Variants in NXPH2 observed in about 807,000 individuals in gnomAD.
The protein encoded by NXPH2 is neurexophilin-2.
In NXPH2, 5 loss-of-function variants were observed where a neutral mutation model predicts 19.8. That is an observed-to-expected ratio of 0.25 (90% CI 0.13 to 0.53). The LOEUF is 0.53. Among genes scored for constraint, NXPH2 ranks in the 20% least tolerant of loss-of-function variants. The pLI is 0.96. For synonymous variants in NXPH2, 154 were observed against 127.4 expected, an observed-to-expected ratio of 1.21 and a Z score of -1.41; for missense variants, 289 against 322.8, an observed-to-expected ratio of 0.90 and a Z score of 0.80.
At chr2:138,672,747 GT>G (rs1680432786) in intron 1 of NXPH2, among the ~76,000 whole-genome samples, 1 of 152,200 alleles carries the variant, frequency 6.6e-6, no homozygotes, top group Admixed American at 6.5e-5. Flanking sequence ...CTGTGTTTAT[GT>G]ACTTTCTCTA....
At chr2:138,777,503 C>T (rs1414681819) in intron 1 of NXPH2, among the ~76,000 whole-genome samples, 1 of 151,902 alleles carries the variant, frequency 6.6e-6, no homozygotes, top group Non-Finnish European at 1.5e-5. Context: ...ATCAATTCCG[C>T]TTACTGTTTT....
intron 1 of NXPH2, among the ~76,000 whole-genome samples, chr2:138,687,878 G>C (rs897268253): frequency 3.9e-5 from 6 of 152,244 alleles, no homozygotes; most frequent in South Asian, 2.1e-4. Context: ...TGAGGGCTCT[G>C]TTCTGTTCCA....
chr2:138,762,664 C>A (rs150279723), intron 1 of NXPH2, among the ~76,000 whole-genome samples: 2 of 152,262 alleles, frequency 1.3e-5, no homozygotes, highest in Admixed American at 6.5e-5. Context: ...GATGAAAATG[C>A]AAATCTCTTC....
In NXPH2 at chr2:138,671,278, G is replaced by A; in HGVS notation, c.439C>T (p.Arg147Ter). The change falls in exon 2 of 2, where the codon CGA becomes TGA. Residue 147 changes from arginine to a stop codon, truncating the protein, a stop_gained. Coordinates refer to ENST00000272641, the MANE Select transcript of NXPH2 (RefSeq NM_007226.3). LOFTEE classifies it high-confidence loss of function. ...TTGCCCAGGCCTGTTGAATTATGTC[G>A]GAAATACACACTGAAGGTTCCATTT... ...HGNGTFSVYF[R>*]HNSTGLGNVS... 3 of 1,613,772 alleles carry A rather than the reference G, an allele frequency of 1.9e-6. No homozygotes were observed. Among genetic ancestry groups the A allele is most frequent in the Non-Finnish European group, 2.5e-6 (3 of 1,179,810 alleles).
intron 1 of NXPH2, among the ~76,000 whole-genome samples, chr2:138,686,530 G>T (rs1680654995): frequency 6.7e-6 from 1 of 149,426 alleles, no homozygotes; most frequent in Admixed American, 6.8e-5. Context: ...AAAAGTTGTA[G>T]AAATTGTTAT....
chr2:138,739,497 A>G (rs2105005178), intron 1 of NXPH2, among the ~76,000 whole-genome samples: 1 of 152,322 alleles, frequency 6.6e-6, no homozygotes, highest in East Asian at 1.9e-4. Context: ...TGGAGGGTGT[A>G]GAACAGGAGG....
Position 138,669,688 on chromosome 2 carries a change from C to T in NXPH2, c.*1234G>A, listed in dbSNP as rs1361245685. Among the ~76,000 whole-genome samples, 2 of 152,120 alleles carry T rather than the reference C, an allele frequency of 1.3e-5. No individual in the cohort carries two copies. Among genetic ancestry groups the T allele is most frequent in the Non-Finnish European group, 2.9e-5 (2 of 68,018 alleles). Reference sequence around the variant, plus strand: ...TTCTAGAAGCCTTTTTCTTGGCCAACCAGACCCCTGTTTCTGTTCTAATTT... The same window carrying T: ...TTCTAGAAGCCTTTTTCTTGGCCAATCAGACCCCTGTTTCTGTTCTAATTT... On this transcript the variant is annotated 3_prime_UTR_variant, in exon 2 of 2. Transcript: ENST00000272641.
intron 1 of NXPH2, among the ~76,000 whole-genome samples, chr2:138,686,204 G>A: frequency 6.6e-6 from 1 of 152,134 alleles, no homozygotes; most frequent in Non-Finnish European, 1.5e-5. Flanking sequence ...ATTTGTTAAG[G>A]AGATAAAAAT....
chr2:138,761,486 T>C (rs1200983600), intron 1 of NXPH2, among the ~76,000 whole-genome samples: 1 of 152,222 alleles, frequency 6.6e-6, no homozygotes, highest in Non-Finnish European at 1.5e-5. Context: ...TTCTTTGACT[T>C]ACTAATGCAT....
chr2:138,762,097 G>T (rs1475929154), intron 1 of NXPH2, among the ~76,000 whole-genome samples: 1 of 152,198 alleles, frequency 6.6e-6, no homozygotes, highest in East Asian at 1.9e-4. Context: ...GAAAGGAGCA[G>T]GTGTGAGGAC....
chr2:138,723,471 G>A (rs1681310645), intron 1 of NXPH2, among the ~76,000 whole-genome samples: 1 of 152,184 alleles, frequency 6.6e-6, no homozygotes, highest in Non-Finnish European at 1.5e-5. Context: ...TTCTCTGAGT[G>A]AAGTTTTTAT....
chr2:138,680,160 T>G (rs1382381102), intron 1 of NXPH2, among the ~76,000 whole-genome samples: 1 of 152,188 alleles, frequency 6.6e-6, no homozygotes, highest in Non-Finnish European at 1.5e-5. Context: ...AAATGGTTAA[T>G]GGGTGCTGTA....
At chr2:138,697,536 G>C (rs1045250431) in intron 1 of NXPH2, among the ~76,000 whole-genome samples, 1 of 151,818 alleles carries the variant, frequency 6.6e-6, no homozygotes, top group Admixed American at 6.6e-5. Context: ...TATAAGTGGG[G>C]AAAAGTGATA....
chr2:138,671,663 T>C lies in NXPH2; in HGVS notation c.54A>G (p.Leu18=). Residue 18 remains leucine (L), a splice_region_variant and synonymous_variant, in exon 2 of 2, where the codon CTA becomes CTG. Transcript: ENST00000272641. ...LVVVPGLLQL[L]FCDSKEVVHA... is the part of the protein sequence containing the mutation. ...GCACCACTTCCTTACTGTCACAAAA[T>C]AGCTGTTTGAAAAGAAGAAAGAGAA... is the stretch of plus-strand genomic sequence containing the variant. The C allele has an allele frequency of 1.3e-6, 2 of 1,539,230 alleles. No individual in the cohort carries two copies. Among genetic ancestry groups the C allele is most frequent in the South Asian group, 1.3e-5 (1 of 79,596 alleles).
At position 138,671,571 on chromosome 2, in the gene NXPH2, T is replaced by G; in HGVS notation, c.146A>C (p.His49Pro). The G allele has an allele frequency of 6.2e-7, 1 of 1,613,708 alleles. No individual in the cohort carries two copies. Among genetic ancestry groups the G allele is most frequent in the Non-Finnish European group, 8.5e-7 (1 of 1,179,746 alleles). Reference protein sequence around the residue: ...APGTLVGNVVHSRIISPLRLF... With the variant: ...APGTLVGNVVPSRIISPLRLF... Reference sequence around the variant, plus strand: ...GCGCAGGGGACTGATGATCCTTGAGTGCACCACGTTGCCGACCAACGTCCC... The same window carrying G: ...GCGCAGGGGACTGATGATCCTTGAGGGCACCACGTTGCCGACCAACGTCCC... The change falls in exon 2 of 2, where the codon CAC (histidine) becomes CCC (proline). Residue 49 changes from histidine (H) to proline (P), a missense_variant. Transcript: ENST00000272641.
intron 1 of NXPH2, among the ~76,000 whole-genome samples, chr2:138,732,257 T>G (rs148253949): frequency 6.6e-6 from 1 of 152,290 alleles, no homozygotes; most frequent in East Asian, 1.9e-4. Flanking sequence ...AAAGATGTTT[T>G]TTGAATCCAG....
intron 1 of NXPH2, among the ~76,000 whole-genome samples, chr2:138,715,725 A>C (rs1681187429): frequency 6.6e-6 from 1 of 152,162 alleles, no homozygotes; most frequent in Admixed American, 6.5e-5. Context: ...CTTCTGGACA[A>C]AGCTGTTTCC....
chr2:138,780,041 C>G (rs1389748627), intron 1 of NXPH2, 150 bp downstream of exon 1: 1 of 707,424 alleles, frequency 1.4e-6, no homozygotes, highest in South Asian at 2.2e-5. Flanking sequence ...CTTTCGACCT[C>G]TAAGGCAACC....
At chr2:138,685,947 G>T (rs556483370) in intron 1 of NXPH2, among the ~76,000 whole-genome samples, 1 of 152,156 alleles carries the variant, frequency 6.6e-6, no homozygotes, top group African/African-American at 2.4e-5. Flanking sequence ...CTTGATGGCT[G>T]CTACTTGATC....
Sources: gnomAD v4.1 joint callset for allele counts (sites outside exome capture counted in the v4.1 genomes callset) on GRCh38, gnomAD v4.1.1 for gene constraint, MANE v1.5 for transcripts, NCBI Gene and HGNC (gene_info 2026-07-23, HGNC 2026-07-21) for gene names.